The following ERCC6L2 variants were observed in gnomAD, a reference collection of about 807,000 sequenced individuals.
ERCC6L2 encodes the protein DNA excision repair protein ERCC-6-like 2.
ERCC6L2 carries 77 observed loss-of-function variants against 132.0 expected under a neutral mutation model. The observed-to-expected ratio is 0.58, with a 90% CI of 0.49 to 0.71. ERCC6L2 has a LOEUF of 0.71. ERCC6L2 is among the 30% of genes least tolerant of loss of function. The pLI, the probability that ERCC6L2 is intolerant of heterozygous loss-of-function variation, is 0.00. For missense variants in ERCC6L2, 1,542 were observed against 1,837.6 expected, an observed-to-expected ratio of 0.84 and a Z score of 2.94; for synonymous variants, 583 against 632.4, an observed-to-expected ratio of 0.92 and a Z score of 1.17.
At chr9:95,968,227 G>GAA (rs1832253104) in intron 14 of ERCC6L2, 5 of 152,098 alleles carry the variant, frequency 3.3e-5, no homozygotes, top group Non-Finnish European at 7.4e-5. Flanking sequence ...ATTAATGACA[G>GAA]GACCATCCAT....
At chr9:95,982,323 G>A (rs1832926629) in intron 17 of ERCC6L2, among the ~76,000 whole-genome samples, 1 of 152,098 alleles carries the variant, frequency 6.6e-6, no homozygotes, top group Non-Finnish European at 1.5e-5. Flanking sequence ...TCTTGTATTT[G>A]TATTAGATTG....
At chr9:96,004,146 T>G (rs1833783540) in intron 17 of ERCC6L2, among the ~76,000 whole-genome samples, 1 of 152,258 alleles carries the variant, frequency 6.6e-6, no homozygotes, top group Non-Finnish European at 1.5e-5. Flanking sequence ...GAAAGACTGC[T>G]TAATAATTTT....
chr9:95,889,661 A>G (rs981591261), intron 2 of ERCC6L2, among the ~76,000 whole-genome samples: 35 of 152,256 alleles, frequency 2.3e-4, no homozygotes, highest in African/African-American at 7.7e-4. Flanking sequence ...TTTCCAGTCA[A>G]TATGCCAATT....
chr9:96,010,652 T>C (rs1438381934), intron 18 of ERCC6L2, among the ~76,000 whole-genome samples: 1 of 152,176 alleles, frequency 6.6e-6, no homozygotes, highest in Non-Finnish European at 1.5e-5. Context: ...ACACCCTTTC[T>C]ATCCACCTTG....
At chr9:95,944,936 T>TCACAGGAC (rs1339414396) in intron 12 of ERCC6L2, among the ~76,000 whole-genome samples, 1 of 152,052 alleles carries the variant, frequency 6.6e-6, no homozygotes, top group Admixed American at 6.6e-5. Context: ...CAGGGCGAGA[T>TCACAGGAC]CACAGGACCA....
chr9:96,014,978 AT>A lies in ERCC6L2; in HGVS notation c.*1776del, dbSNP rs1834147784. Among the ~76,000 whole-genome samples the A allele has an allele frequency of 6.6e-6, 1 of 150,480 alleles. No homozygotes were observed. Among genetic ancestry groups the A allele is most frequent in the African/African-American group, 2.5e-5 (1 of 40,724 alleles). On this transcript the variant is annotated 3_prime_UTR_variant, in exon 19 of 19. Transcript: ENST00000653738. ...TAATACCTTGTAAATTATGATATTC[AT>A]ATAAATATTAGCTCTATAGTCTTCA...
At chr9:95,967,357 C>T (rs1832204654) in intron 14 of ERCC6L2, 1 of 152,112 alleles carries the variant, frequency 6.6e-6, no homozygotes, top group Admixed American at 6.6e-5. Flanking sequence ...TTTCAACCTC[C>T]TCATGGTATA....
chr9:95,882,042 G>C (rs1202299696), intron 2 of ERCC6L2, among the ~76,000 whole-genome samples: 1 of 152,210 alleles, frequency 6.6e-6, no homozygotes, highest in Non-Finnish European at 1.5e-5. Context: ...GCAGGATTCA[G>C]TTCCTTGTGG....
intron 2 of ERCC6L2, among the ~76,000 whole-genome samples, chr9:95,884,468 AT>A (rs756189760): frequency 6.7e-6 from 1 of 149,980 alleles, no homozygotes; most frequent in Non-Finnish European, 1.5e-5. Flanking sequence ...TGTTTGAGCT[AT>A]AGTTTTATCT....
chr9:95,945,372 T>C (rs1450965737), intron 12 of ERCC6L2, among the ~76,000 whole-genome samples: 1 of 152,196 alleles, frequency 6.6e-6, no homozygotes, highest in African/African-American at 2.4e-5. Flanking sequence ...TTTTTCAAGG[T>C]GCCCAGATTT....
At chr9:95,896,002 A>G (rs184564756) in intron 2 of ERCC6L2, among the ~76,000 whole-genome samples, 1 of 152,342 alleles carries the variant, frequency 6.6e-6, no homozygotes, top group East Asian at 1.9e-4. Context: ...CTGGGATTAC[A>G]GGCTGTCATA....
At chr9:96,007,516 A>C (rs773725687) in intron 18 of ERCC6L2, among the ~76,000 whole-genome samples, 12 of 152,226 alleles carry the variant, frequency 7.9e-5, no homozygotes, top group Non-Finnish European at 1.5e-4. Flanking sequence ...TGGATGGCAT[A>C]AATGTTAAAG....
rs188191147 is a variant in ERCC6L2 at position 95,974,651 on chromosome 9, G to T, written c.3337+1563G>T. Among the ~76,000 whole-genome samples the T allele has an allele frequency of 3.3e-5, 5 of 152,110 alleles. No individual in the cohort carries two copies. In the East Asian group the frequency reaches 9.7e-4, roughly 29 times the overall value. ...AGAGAAAGTGTGTTTCAAGACCACA[G>T]TCTGGTGCTAGTAATGAACATTGCT... is the stretch of plus-strand genomic sequence containing the variant. On this transcript the variant is annotated intron_variant, in intron 16 of 18. Transcript: ENST00000653738.
chr9:95,935,337 T>C (rs1399835762), intron 11 of ERCC6L2, among the ~76,000 whole-genome samples: 3 of 152,160 alleles, frequency 2.0e-5, no homozygotes, highest in Admixed American at 2.0e-4. Context: ...CTTATGTGTT[T>C]AGTGCTTAGG....
At chr9:95,980,809 CAT>C (rs988712856) in intron 17 of ERCC6L2, among the ~76,000 whole-genome samples, 1 of 152,108 alleles carries the variant, frequency 6.6e-6, no homozygotes, top group Non-Finnish European at 1.5e-5. Flanking sequence ...GAGACTCAAT[CAT>C]AGTGTTAGAA....
chr9:96,009,759 A>G (rs1833970174), intron 18 of ERCC6L2, among the ~76,000 whole-genome samples: 1 of 152,244 alleles, frequency 6.6e-6, no homozygotes, highest in African/African-American at 2.4e-5. Context: ...AATAAAGTGA[A>G]TGATAATTAT....
intron 11 of ERCC6L2, among the ~76,000 whole-genome samples, chr9:95,935,751 G>A (rs1456589840): frequency 6.6e-6 from 1 of 152,138 alleles, no homozygotes; most frequent in Non-Finnish European, 1.5e-5. Flanking sequence ...GAGACGGTAG[G>A]CCTGGTCATT....
At chr9:95,970,296 T>C (rs1832354746) in intron 14 of ERCC6L2, among the ~76,000 whole-genome samples, 1 of 152,184 alleles carries the variant, frequency 6.6e-6, no homozygotes, top group Admixed American at 6.6e-5. Context: ...CTCTTCCCAC[T>C]AGTACTTTTA....
chr9:95,944,642 T>C (rs1210318584), intron 12 of ERCC6L2, among the ~76,000 whole-genome samples: 1 of 150,816 alleles, frequency 6.6e-6, no homozygotes, highest in Non-Finnish European at 1.5e-5. Context: ...CAGCCAGATA[T>C]CGGGCGAAAT....
Sources: allele counts gnomAD v4.1 joint callset (sites outside exome capture counted in the v4.1 genomes callset), GRCh38; gene constraint gnomAD v4.1.1; transcripts MANE v1.5; gene names NCBI Gene and HGNC (gene_info 2026-07-23, HGNC 2026-07-21).